The following GRAMD1B variants were observed in gnomAD, a reference collection of about 807,000 sequenced individuals.
GRAMD1B encodes the protein GRAM domain containing 1B.
Under a neutral mutation model 99.7 loss-of-function variants are expected in GRAMD1B, and 37 were observed. The observed-to-expected ratio is 0.37, with a 90% CI of 0.29 to 0.49. The LOEUF (loss-of-function observed/expected upper bound fraction) is 0.49, where lower values mean the gene tolerates loss of function less well. Ranked by LOEUF, GRAMD1B falls within the 20% of genes least tolerant of loss-of-function variation. The probability of loss-of-function intolerance (pLI) is 0.98; values close to 1 mark genes in which losing one functional copy is unlikely to be tolerated. For synonymous variants in GRAMD1B, 427 were observed against 387.6 expected, an observed-to-expected ratio of 1.10 and a Z score of -1.19; for missense variants, 888 against 1,009.2, an observed-to-expected ratio of 0.88 and a Z score of 1.63.
chr11:123,597,135 T>TC (rs982785447), intron 7 of GRAMD1B, among the ~76,000 whole-genome samples: 1 of 151,510 alleles, frequency 6.6e-6, no homozygotes, highest in African/African-American at 2.4e-5. Flanking sequence ...ACTCCTTTTT[T>TC]TTTTTTTTTT....
intron 2 of GRAMD1B, among the ~76,000 whole-genome samples, chr11:123,508,422 T>C (rs565678485): frequency 6.6e-6 from 1 of 152,354 alleles, no homozygotes; most frequent in South Asian, 2.1e-4. Flanking sequence ...AATACTATAC[T>C]GTTACAGTGA....
At chr11:123,536,651 A>G (rs1943988799) in intron 2 of GRAMD1B, among the ~76,000 whole-genome samples, 2 of 152,130 alleles carry the variant, frequency 1.3e-5, no homozygotes, top group South Asian at 2.1e-4. Flanking sequence ...CTTAAAATTT[A>G]CTACTGTTTT....
Position 123,591,949 on chromosome 11 carries a change from C to A in GRAMD1B, c.685-2133C>A, listed in dbSNP as rs975174101. ...AGTAGCGGCCCCCTCGATTTGCCTG[C>A]GGGTTGGAGATGGTGGCCAAACGCC... On this transcript the variant is annotated intron_variant, in intron 4 of 19. Transcript: ENST00000635736. The surrounding 1 kb of genome is among the most constrained non-coding windows in gnomAD (Gnocchi z 4.7). Among the ~76,000 whole-genome samples, 1 of 152,200 alleles carries A rather than the reference C, an allele frequency of 6.6e-6. No individual in the cohort carries two copies. The highest frequency in any genetic ancestry group is 1.5e-5 in the Non-Finnish European group (1 of 68,048).
chr11:123,557,088 C>T (rs879481313), intron 2 of GRAMD1B, among the ~76,000 whole-genome samples: 1 of 152,134 alleles, frequency 6.6e-6, no homozygotes, highest in Non-Finnish European at 1.5e-5. Flanking sequence ...TCTACCTCTT[C>T]GTTTTGTCAT....
intron 1 of GRAMD1B, among the ~76,000 whole-genome samples, chr11:123,402,049 C>T (rs1350750057): frequency 3.9e-5 from 6 of 152,234 alleles, no homozygotes; most frequent in Admixed American, 3.9e-4. Context: ...CAAAAGGCCA[C>T]GTTCTTTTCA....
intron 1 of GRAMD1B, among the ~76,000 whole-genome samples, chr11:123,434,230 C>CAAAAAAAAA (rs33942028): frequency 1.4e-5 from 1 of 73,008 alleles, no homozygotes; most frequent in African/African-American, 5.4e-5. Flanking sequence ...ACTCCGTTTC[C>CAAAAAAAAA]AAAAAAAAAA....
chr11:123,512,296 T>A (rs1227696297), intron 2 of GRAMD1B, among the ~76,000 whole-genome samples: 1 of 152,056 alleles, frequency 6.6e-6, no homozygotes, highest in Non-Finnish European at 1.5e-5. Context: ...GCTCTTGAGG[T>A]TGTAGGTGGT....
At chr11:123,565,571 C>T (rs557247630) in intron 2 of GRAMD1B, among the ~76,000 whole-genome samples, 1 of 152,180 alleles carries the variant, frequency 6.6e-6, no homozygotes, top group Non-Finnish European at 1.5e-5. Context: ...AGATAATGAT[C>T]GCTGAGACTC....
chr11:123,512,726 T>TTTTC (rs1283844994), intron 2 of GRAMD1B, among the ~76,000 whole-genome samples: 2 of 149,514 alleles, frequency 1.3e-5, no homozygotes, highest in East Asian at 2.0e-4. Context: ...TTTTTTTTTT[T>TTTTC]AACCTTCTCT....
intron 1 of GRAMD1B, among the ~76,000 whole-genome samples, chr11:123,375,077 C>T (rs1946648846): frequency 6.6e-6 from 1 of 152,178 alleles, no homozygotes; most frequent in Admixed American, 6.5e-5. Flanking sequence ...ATAGTATCTT[C>T]ATGATCTCAC....
intron 1 of GRAMD1B, among the ~76,000 whole-genome samples, chr11:123,405,634 T>C (rs1393773006): frequency 6.6e-6 from 1 of 152,120 alleles, no homozygotes; most frequent in Non-Finnish European, 1.5e-5. Flanking sequence ...AGATACGGCC[T>C]GTACCAAGTC....
chr11:123,394,439 A>C (rs1249224209), intron 1 of GRAMD1B, among the ~76,000 whole-genome samples: 1 of 152,148 alleles, frequency 6.6e-6, no homozygotes, highest in Non-Finnish European at 1.5e-5. Context: ...TGTGGACTCC[A>C]ATCTTCTCTT....
intron 1 of GRAMD1B, among the ~76,000 whole-genome samples, chr11:123,414,390 T>G (rs1259286046): frequency 1.3e-5 from 2 of 152,192 alleles, no homozygotes; most frequent in Non-Finnish European, 2.9e-5. Context: ...CTTACTAGTA[T>G]TTATTGAGCA....
At position 123,609,866 on chromosome 11, in the gene GRAMD1B, C is replaced by T. The variant is rs774973587; in HGVS notation, c.1729C>T (p.Leu577Phe). ...QSRVILYTIT[L>F]TNPLAPKTAT... The stretch of plus-strand genomic sequence containing the variant: ...CCGAGTGATTCTTTACACCATCACC[C>T]TTACCAACCCTCTGGCTCCCAAAAC... The change falls in exon 13 of 20, where the codon CTT becomes TTT. Residue 577 changes from leucine (L) to phenylalanine (F), a missense_variant. This residue lies in a region of GRAMD1B where 92 missense variants were observed against 156.9 expected (regional missense o/e 0.59). Transcript: ENST00000635736. 2.5e-6 allele frequency: 4 copies of T among 1,602,404 alleles called. No individual in the cohort carries two copies. The highest frequency in any genetic ancestry group is 1.7e-6 in the Non-Finnish European group (2 of 1,174,282).
exon 1 of GRAMD1B, chr11:123,358,740 C>A (rs975729122): frequency 2.0e-5 from 3 of 152,830 alleles, no homozygotes; most frequent in Non-Finnish European, 4.4e-5. Flanking sequence ...CCGTGGACGC[C>A]GCTGACCGCC....
chr11:123,535,290 GTT>G lies in GRAMD1B; in HGVS notation c.453-42066_453-42065del, dbSNP rs563808023. Among the ~76,000 whole-genome samples the G allele has an allele frequency of 3.8e-3, 554 of 144,870 alleles. 1 individual carries two copies. Among genetic ancestry groups the G allele is most frequent in the African/African-American group, 0.013 (518 of 39,944 alleles). ...CTTAATACAACCCTACAGGAAAGAT[GTT>G]TTTTTTTTTTCCCCCATTTTATATG... is the stretch of plus-strand genomic sequence containing the variant. On this transcript the variant is annotated intron_variant, in intron 2 of 19. Transcript: ENST00000635736.
chr11:123,553,039 G>A (rs911184379), intron 2 of GRAMD1B, among the ~76,000 whole-genome samples: 8 of 152,126 alleles, frequency 5.3e-5, no homozygotes, highest in Non-Finnish European at 8.8e-5. Context: ...AAACATTGCC[G>A]CATATTTCAA....
At chr11:123,513,601 C>T (rs190897411) in intron 2 of GRAMD1B, among the ~76,000 whole-genome samples, 923 of 36,950 alleles carry the variant, frequency 0.025, 23 homozygotes, top group African/African-American at 0.052. Flanking sequence ...TTCCTTCCTT[C>T]CTTCCTTCCT....
At chr11:123,426,964 A>G (rs575098635), upstream of GRAMD1B, among the ~76,000 whole-genome samples, 203 of 152,308 alleles carry the variant, frequency 1.3e-3, no homozygotes, top group South Asian at 5.6e-3. Context: ...TTGCTTGGTA[A>G]TATGACCTCC....
Sources: gnomAD v4.1 joint callset for allele counts (sites outside exome capture counted in the v4.1 genomes callset) on GRCh38, gnomAD v4.1.1 for gene constraint, gnomAD v4.1.1 regional missense constraint, Gnocchi (gnomAD v3.1) non-coding constraint, MANE v1.5 for transcripts, NCBI Gene and HGNC (gene_info 2026-07-23, HGNC 2026-07-21) for gene names.